The following RSF1 variants were observed in gnomAD, a reference collection of about 807,000 sequenced individuals.
RSF1 encodes the protein remodeling and spacing factor 1.
In RSF1, 13 loss-of-function variants were observed where a neutral mutation model predicts 145.2. The observed-to-expected ratio is 0.09, with a 90% confidence interval of 0.06 to 0.14. The LOEUF (loss-of-function observed/expected upper bound fraction) is 0.14, where lower values mean the gene tolerates loss of function less well. Among genes scored for constraint, RSF1 ranks in the 10% least tolerant of loss-of-function variants. The probability of loss-of-function intolerance (pLI) is 1.00; values close to 1 mark genes in which losing one functional copy is unlikely to be tolerated. For missense variants in RSF1, 1,517 were observed against 1,718.2 expected, an observed-to-expected ratio of 0.88 and a Z score of 2.07; for synonymous variants, 577 against 592.6, an observed-to-expected ratio of 0.97 and a Z score of 0.38.
intron 3 of RSF1, 68 bp downstream of exon 3, chr11:77,746,968 C>T: frequency 6.4e-6 from 6 of 940,980 alleles, no homozygotes; most frequent in East Asian, 2.8e-5. Flanking sequence ...GTTTATTTTC[C>T]AATTTAACCA....
At chr11:77,853,897 C>A in the RSF1 span, among the ~76,000 whole-genome samples, 1 of 151,774 alleles carries the variant, frequency 6.6e-6, no homozygotes, top group African/African-American at 2.4e-5. Flanking sequence ...GCTGAGATTG[C>A]ACCACTGTAC....
chr11:77,784,184 T>A (rs2135959570), intron 1 of RSF1, among the ~76,000 whole-genome samples: 1 of 152,326 alleles, frequency 6.6e-6, no homozygotes, highest in African/African-American at 2.4e-5. Context: ...AGCACTTGAT[T>A]ATTTTCAGTT....
chr11:77,762,209 TAA>T (rs1948183037), intron 2 of RSF1: 1 of 151,738 alleles, frequency 6.6e-6, no homozygotes, highest in African/African-American at 2.4e-5. Context: ...GCTGTCAAAG[TAA>T]AAAGTCATCC....
chr11:77,682,067 A>T (rs1318173701), intron 11 of RSF1, among the ~76,000 whole-genome samples: 1 of 152,204 alleles, frequency 6.6e-6, no homozygotes, highest in Non-Finnish European at 1.5e-5. Context: ...GTTATGTTGC[A>T]GCAGAACTGA....
At chr11:77,841,081 T>A in the RSF1 span, 1 of 643,958 alleles carries the variant, frequency 1.6e-6, no homozygotes, top group East Asian at 2.7e-5. Flanking sequence ...TCTTGCTGCA[T>A]CATCCTATAG....
At chr11:77,735,944 G>A (rs1348846475) in intron 4 of RSF1, among the ~76,000 whole-genome samples, 2 of 152,106 alleles carry the variant, frequency 1.3e-5, no homozygotes, top group East Asian at 3.9e-4. Flanking sequence ...TCACCATGTT[G>A]GCCAGGATGG....
chr11:77,834,495 A>G, the RSF1 span, among the ~76,000 whole-genome samples: 1 of 144,048 alleles, frequency 6.9e-6, no homozygotes, highest in Admixed American at 7.2e-5. Context: ...GCTCACTGCA[A>G]CCTCCTCCTC....
rs574693178 is a variant in RSF1 at position 77,752,926 on chromosome 11, T to C, written c.280-5798A>G. Among the ~76,000 whole-genome samples the C allele has an allele frequency of 5.9e-5, 9 of 152,258 alleles. No homozygotes were observed. The East Asian group carries it at 1.4e-3, about 23-fold the overall frequency. On this transcript the variant is annotated intron_variant, in intron 2 of 15. Transcript: ENST00000308488. ...CCAGGATGGCCACAAGAATGACCTA[T>C]GGTTGTCCTCACTGCTACATTCCCA...
At chr11:77,796,429 A>G (rs1948572947) in intron 1 of RSF1, among the ~76,000 whole-genome samples, 1 of 152,238 alleles carries the variant, frequency 6.6e-6, no homozygotes, top group Non-Finnish European at 1.5e-5. Context: ...ATCTCAATAG[A>G]TGCAGAAAAG....
Position 77,675,074 on chromosome 11 carries a change from T to C in RSF1, c.3524A>G (p.Asp1175Gly). Residue 1175 changes from aspartate (D) to glycine (G), a missense_variant, in exon 14 of 16, where the codon GAT becomes GGT. Coordinates refer to ENST00000308488, the MANE Select transcript of RSF1 (RefSeq NM_016578.4). The part of the protein sequence containing the change: ...KTPKKKYSDD[D>G]EEEESEENSR... ...ATTCTCCTCAGATTCCTCCTCTTCA[T>C]CATCATCGGAATATTTTTTCTTTGG... 1.2e-6 allele frequency: 2 copies of C among 1,613,902 alleles called. No homozygotes were observed. The highest frequency in any genetic ancestry group is 1.7e-6 in the Non-Finnish European group (2 of 1,179,934).
Position 77,666,231 on chromosome 11 carries a change from C to T in RSF1, c.*686G>A, listed in dbSNP as rs529480767. The T allele has an allele frequency of 6.6e-6, 1 of 152,236 alleles. No homozygotes were observed. The highest frequency in any genetic ancestry group is 2.4e-5 in the African/African-American group (1 of 41,434). The allele number at this position is 152,236 out of a possible 1,614,324, so 9.4% of individuals were successfully genotyped here. A position where few individuals can be genotyped will look rare whatever the true frequency, so the allele number is the denominator to read the frequency against. The stretch of plus-strand genomic sequence containing the variant: ...CATTATACATTTTACTGTACAAATG[C>T]TTTTCAGATGATTTTATTTTTTTTT... On this transcript the variant is annotated 3_prime_UTR_variant, in exon 16 of 16. Transcript: ENST00000308488.
intron 1 of RSF1, among the ~76,000 whole-genome samples, chr11:77,797,435 G>A (rs1395010792): frequency 6.6e-6 from 1 of 152,154 alleles, no homozygotes; most frequent in African/African-American, 2.4e-5. Context: ...TTAATAAACG[G>A]TGTTGGGAAA....
chr11:77,844,414 G>C, the RSF1 span, among the ~76,000 whole-genome samples: 25 of 152,130 alleles, frequency 1.6e-4, no homozygotes, highest in South Asian at 4.6e-3. Context: ...CCAGGCTAGA[G>C]TGCAGTGGTG....
chr11:77,799,233 G>A (rs141698870), intron 1 of RSF1, among the ~76,000 whole-genome samples: 4 of 151,998 alleles, frequency 2.6e-5, no homozygotes, highest in Non-Finnish European at 5.9e-5. Flanking sequence ...GGGTAGGCAG[G>A]GTGCAGTGGC....
intron 5 of RSF1, among the ~76,000 whole-genome samples, chr11:77,719,187 T>C (rs866092862): frequency 6.6e-6 from 1 of 152,166 alleles, no homozygotes; most frequent in East Asian, 1.9e-4. Flanking sequence ...TGAGTTGTGA[T>C]TGTGGCACTA....
At chr11:77,709,709 G>GT (rs972311063) in intron 5 of RSF1, among the ~76,000 whole-genome samples, 19 of 151,430 alleles carry the variant, frequency 1.3e-4, no homozygotes, top group African/African-American at 3.9e-4. Context: ...TTTTTTAAAT[G>GT]TTTTTTTATT....
intron 7 of RSF1, among the ~76,000 whole-genome samples, chr11:77,697,738 T>C (rs1960317669): frequency 2.0e-5 from 3 of 151,526 alleles, no homozygotes; most frequent in African/African-American, 4.8e-5. Flanking sequence ...AGCAGGTGTA[T>C]ATATTTATAG....
chr11:77,703,480 C>T (rs1427429753), intron 5 of RSF1: 1 of 152,134 alleles, frequency 6.6e-6, no homozygotes, highest in African/African-American at 2.4e-5. Context: ...TTTACTGAGA[C>T]ATAAATTTTT....
intron 10 of RSF1, among the ~76,000 whole-genome samples, chr11:77,684,284 T>C (rs914685425): frequency 5.3e-5 from 8 of 152,218 alleles, no homozygotes; most frequent in Non-Finnish European, 1.2e-4. Flanking sequence ...TTACAAATTA[T>C]GTAAATTACA....
Sources: allele counts gnomAD v4.1 joint callset (sites outside exome capture counted in the v4.1 genomes callset), GRCh38; gene constraint gnomAD v4.1.1; transcripts MANE v1.5; gene names NCBI Gene and HGNC (gene_info 2026-07-23, HGNC 2026-07-21).